ERC2: variants seen among roughly 807,000 people sequenced by gnomAD.
ERC2 encodes the protein ELKS/RAB6-interacting/CAST family member 2.
ERC2 carries 42 observed loss-of-function variants against 114.8 expected under a neutral mutation model. The observed-to-expected ratio is 0.37, with a 90% CI of 0.29 to 0.47. The LOEUF (loss-of-function observed/expected upper bound fraction) is 0.47, where lower values mean the gene tolerates loss of function less well. Ranked by LOEUF, ERC2 falls within the 20% of genes least tolerant of loss-of-function variation. The pLI is 0.99. For missense variants in ERC2, 939 were observed against 1,150.7 expected, an observed-to-expected ratio of 0.82 and a Z score of 2.66; for synonymous variants, 454 against 425.5, an observed-to-expected ratio of 1.07 and a Z score of -0.82.
At position 56,237,537 on chromosome 3, in the gene ERC2, T is replaced by A. The variant is rs2051032626; in HGVS notation, c.1074+58482A>T. Among the ~76,000 whole-genome samples, 3 of 152,226 alleles carry A rather than the reference T, an allele frequency of 2.0e-5. No homozygotes were observed. The South Asian group carries it at 6.2e-4, about 32-fold the overall frequency. Reference sequence around the variant, plus strand: ...TCTTTTCTTGGGAATGCCGTCCACATCTGCAAACTGTTCCTGCAAGGTCTA... The same window carrying A: ...TCTTTTCTTGGGAATGCCGTCCACAACTGCAAACTGTTCCTGCAAGGTCTA... On this transcript the variant is annotated intron_variant, in intron 3 of 17. Coordinates refer to ENST00000288221, the MANE Select transcript of ERC2 (RefSeq NM_015576.3).
rs541095249 is a variant in ERC2 at position 55,823,972 on chromosome 3, C to T, written c.2564+64417G>A. On this transcript the variant is annotated intron_variant, in intron 14 of 17. Transcript: ENST00000288221. ...CGGCAGATTCAGTTTCTCCTGAGGC[C>T]TCTCTCCTTTGGCTTGCAGATGGCC... 2.6e-5 allele frequency among the ~76,000 whole-genome samples: 4 copies of T among 152,276 alleles called. No homozygotes were observed. In the South Asian group the frequency reaches 8.3e-4, roughly 32 times the overall value.
chr3:55,671,211 G>A (rs2061544254), intron 17 of ERC2, among the ~76,000 whole-genome samples: 1 of 152,106 alleles, frequency 6.6e-6, no homozygotes, highest in African/African-American at 2.4e-5. Context: ...TACTAATTTT[G>A]ATCCCCAATA....
At chr3:56,426,303 T>C (rs1194867194) in intron 2 of ERC2, among the ~76,000 whole-genome samples, 1 of 152,212 alleles carries the variant, frequency 6.6e-6, no homozygotes, top group East Asian at 1.9e-4. Context: ...GGCCCAGACG[T>C]GGAAGGAACC....
intron 14 of ERC2, among the ~76,000 whole-genome samples, chr3:55,746,478 C>T (rs946727749): frequency 2.6e-5 from 4 of 152,076 alleles, no homozygotes; most frequent in Non-Finnish European, 5.9e-5. Flanking sequence ...AGGTGATCCG[C>T]CCACCTCAGG....
chr3:56,459,043 C>A (rs761119339), intron 1 of ERC2, among the ~76,000 whole-genome samples: 3 of 152,116 alleles, frequency 2.0e-5, no homozygotes, highest in Non-Finnish European at 2.9e-5. Context: ...GATCATGGGA[C>A]CGCCCTAACC....
intron 2 of ERC2, among the ~76,000 whole-genome samples, chr3:56,326,497 G>A (rs897323543): frequency 6.6e-6 from 1 of 152,200 alleles, no homozygotes; most frequent in East Asian, 1.9e-4. Context: ...TGGTGTTCAT[G>A]TCCAACAGAA....
intron 10 of ERC2, among the ~76,000 whole-genome samples, chr3:55,995,243 G>T (rs2873081): frequency 0.38 from 57,905 of 151,934 alleles, 11,409 homozygotes; most frequent in Middle Eastern, 0.52. Flanking sequence ...TGAGGCAAGA[G>T]AATTGCTTGA....
At chr3:56,075,941 G>A (rs1283814138) in intron 7 of ERC2, among the ~76,000 whole-genome samples, 6 of 151,876 alleles carry the variant, frequency 4.0e-5, no homozygotes, top group African/African-American at 1.5e-4. Context: ...TTTTTTTCCA[G>A]AAGAAACTCA....
At chr3:55,986,064 G>A in intron 11 of ERC2, 76 bp from the exon 12 acceptor site, 1 of 1,344,712 alleles carries the variant, frequency 7.4e-7, no homozygotes. Context: ...GAGAATAAAA[G>A]GAAGGAAATG....
chr3:56,219,175 T>C (rs1575900867), intron 3 of ERC2, among the ~76,000 whole-genome samples: 1 of 152,026 alleles, frequency 6.6e-6, no homozygotes, highest in East Asian at 1.9e-4. Flanking sequence ...ACACATTGGG[T>C]ACCGTGTACA....
chr3:56,392,227 A>G (rs1295932285), intron 2 of ERC2, among the ~76,000 whole-genome samples: 1 of 152,252 alleles, frequency 6.6e-6, no homozygotes, highest in South Asian at 2.1e-4. Flanking sequence ...GAATGCTCAT[A>G]TAACATTTAA....
chr3:55,753,914 G>A (rs2066884271), intron 14 of ERC2, among the ~76,000 whole-genome samples: 1 of 152,158 alleles, frequency 6.6e-6, no homozygotes, highest in African/African-American at 2.4e-5. Context: ...TGCCATTGGT[G>A]TGATTTTGGG....
chr3:55,818,906 G>A (rs952876810), intron 14 of ERC2, among the ~76,000 whole-genome samples: 3 of 152,108 alleles, frequency 2.0e-5, no homozygotes, highest in African/African-American at 4.8e-5. Flanking sequence ...ACTTGTTTCC[G>A]CAAGTCCACA....
Position 55,693,067 on chromosome 3 carries a change from C to T in ERC2, c.2847+6311G>A, listed in dbSNP as rs114543997. Among the ~76,000 whole-genome samples, 349 of 152,262 alleles carry T rather than the reference C, an allele frequency of 2.3e-3. 2 individuals carry two copies. Among genetic ancestry groups the T allele is most frequent in the African/African-American group, 8.0e-3 (332 of 41,538 alleles). Reference sequence around the variant, plus strand: ...TACAAACACGCACTTTGGCTGAGAGCCAACACATGCTGGGACCACACAGTC... The same window carrying T: ...TACAAACACGCACTTTGGCTGAGAGTCAACACATGCTGGGACCACACAGTC... On this transcript the variant is annotated intron_variant, in intron 16 of 17. Transcript: ENST00000288221.
At chr3:55,954,465 G>C (rs1487794177) in intron 12 of ERC2, among the ~76,000 whole-genome samples, 2 of 152,198 alleles carry the variant, frequency 1.3e-5, no homozygotes, top group African/African-American at 4.8e-5. Context: ...TCTCTAACTT[G>C]CTGGTGAGAA....
chr3:55,984,630 T>C (rs1403036840), intron 12 of ERC2, among the ~76,000 whole-genome samples: 1 of 152,178 alleles, frequency 6.6e-6, no homozygotes, highest in Non-Finnish European at 1.5e-5. Context: ...TGCACACAGA[T>C]GCACCAGATT....
intron 16 of ERC2, among the ~76,000 whole-genome samples, chr3:55,693,255 G>A (rs1207161934): frequency 6.6e-6 from 1 of 152,182 alleles, no homozygotes; most frequent in Non-Finnish European, 1.5e-5. Flanking sequence ...ATGCAATAGG[G>A]AAAACCTAGC....
Position 56,117,525 on chromosome 3 carries a change from G to A in ERC2, c.1473+21984C>T, listed in dbSNP as rs560710001. 6.6e-5 allele frequency among the ~76,000 whole-genome samples: 10 copies of A among 152,242 alleles called. No individual in the cohort carries two copies. In the South Asian group the frequency reaches 8.3e-4, roughly 13 times the overall value. ...GAGCGCTTGGCCCCAAAGAACACTC[G>A]TATGCATTGTATCCATTTCACCCCT... On this transcript the variant is annotated intron_variant, in intron 6 of 17. Transcript: ENST00000288221.
intron 14 of ERC2, among the ~76,000 whole-genome samples, chr3:55,789,311 G>A (rs2069785923): frequency 6.6e-6 from 1 of 152,208 alleles, no homozygotes; most frequent in African/African-American, 2.4e-5. Context: ...CAAGTCCATA[G>A]GGAAGCTGAG....
Sources: allele counts gnomAD v4.1 joint callset (sites outside exome capture counted in the v4.1 genomes callset), GRCh38; gene constraint gnomAD v4.1.1; transcripts MANE v1.5; gene names NCBI Gene and HGNC (gene_info 2026-07-23, HGNC 2026-07-21).